MPP3: variants seen among roughly 807,000 people sequenced by gnomAD.
MPP3 encodes MAGUK p55 subfamily member 3.
MPP3 carries 48 observed loss-of-function variants against 80.7 expected under a neutral mutation model. That is an observed-to-expected ratio of 0.59 (90% CI 0.47 to 0.76). MPP3 has a LOEUF of 0.76. Ranked by LOEUF, MPP3 falls within the 30% of genes least tolerant of loss-of-function variation. The pLI, the probability that MPP3 is intolerant of heterozygous loss-of-function variation, is 0.00. For synonymous variants in MPP3, 311 were observed against 297.6 expected, an observed-to-expected ratio of 1.04 and a Z score of -0.46; for missense variants, 620 against 763.0, an observed-to-expected ratio of 0.81 and a Z score of 2.21.
rs2045665284 is a variant in MPP3 at position 43,825,766 on chromosome 17, C to G, written c.599G>C (p.Ser200Thr). ...AVLHKRPDEISQILAQSQGSI... is the reference protein window; with the variant it reads ...AVLHKRPDEITQILAQSQGSI... ...GCTTGTAGCACGGACCAGAATCTGG[C>G]TGATCTCGTCGGGCCGCTTGTGCAG... The change falls in exon 9 of 20, where the codon AGC becomes ACC. Residue 200 changes from serine (S) to threonine (T), a missense_variant. Ser to Thr is a moderately conservative substitution (Grantham distance 58). Coordinates refer to ENST00000398389, the MANE Select transcript of MPP3 (RefSeq NM_001932.6). 6.2e-7 allele frequency: 1 copy of G among 1,610,928 alleles called. No homozygotes were observed. Among genetic ancestry groups the G allele is most frequent in the Non-Finnish European group, 8.5e-7 (1 of 1,177,158 alleles).
chr17:43,827,315 TTTTTTTTTTTTTTC>T (rs1341944798), intron 8 of MPP3, among the ~76,000 whole-genome samples: 1 of 138,474 alleles, frequency 7.2e-6, no homozygotes. Flanking sequence ...TGTGCCTGGC[TTTTTTTTTTTTTTC>T]TTTTTTTTTT....
At chr17:43,825,386 A>C (rs1288910515) in intron 9 of MPP3, 1 of 184,504 alleles carries the variant, frequency 5.4e-6, no homozygotes, top group African/African-American at 2.3e-5. Flanking sequence ...CCCAACGTTA[A>C]AGGAAAGGAA....
chr17:43,815,491 A>G (rs954308224), intron 14 of MPP3, among the ~76,000 whole-genome samples: 1 of 152,092 alleles, frequency 6.6e-6, no homozygotes, highest in African/African-American at 2.4e-5. Flanking sequence ...AGTCCCAGCT[A>G]CTCAGGAGGC....
At chr17:43,817,835 C>T (rs1382827216) in intron 12 of MPP3, 1 of 461,914 alleles carries the variant, frequency 2.2e-6, no homozygotes, top group Non-Finnish European at 3.9e-6. Flanking sequence ...CCCCCAGCAT[C>T]ATCTATGGAC....
intron 1 of MPP3, 66 bp from the exon 2 acceptor site, chr17:43,832,885 C>A: frequency 6.5e-6 from 1 of 152,932 alleles, no homozygotes; most frequent in South Asian, 1.8e-4. Context: ...GGAGGGCGGT[C>A]CCGGAGGACG....
chr17:43,818,141 G>C, intron 11 of MPP3, 31 bp from the exon 12 acceptor site: 1 of 1,467,438 alleles, frequency 6.8e-7, no homozygotes, highest in Non-Finnish European at 9.1e-7. Flanking sequence ...GGGCGGGCCC[G>C]TGAGCTGGGC....
chr17:43,814,587 G>A (rs184146309), intron 14 of MPP3: 58 of 440,548 alleles, frequency 1.3e-4, no homozygotes, highest in African/African-American at 1.1e-3. Flanking sequence ...TGTTTTACTT[G>A]GCATGTGACT....
In MPP3 at chr17:43,820,992, C is replaced by A. The variant is rs1292529723; in HGVS notation, c.751G>T (p.Gly251Cys). ...EDRAIPCQEA[G>C]LPFQRRQVLE... ...ACCTGCCTGCGCTGGAAGGGCAGGC[C>A]CGCCTCCTGGCAAGGGATGGCCCGG... The change falls in exon 11 of 20, where the codon GGC becomes TGC. Residue 251 changes from glycine (G) to cysteine (C), a missense_variant. By Grantham distance (159) the Gly-to-Cys change is radical. Coordinates refer to ENST00000398389, the MANE Select transcript of MPP3 (RefSeq NM_001932.6). 2 of 1,613,796 alleles carry A rather than the reference C, an allele frequency of 1.2e-6. No homozygotes were observed. The highest frequency in any genetic ancestry group is 2.7e-5 in the African/African-American group (2 of 74,944).
rs1193436927 is a variant in MPP3, at chr17:43,801,807, G to T, written c.1652C>A (p.Ala551Asp). ...IDRHYGHLVD[A>D]VLVKEDLQGA... Reference sequence around the variant, plus strand: ...CTGGAGATCCTCCTTCACCAGCACGGCGTCTACCAGGTGCCCGTAATGCCG... The same window carrying T: ...CTGGAGATCCTCCTTCACCAGCACGTCGTCTACCAGGTGCCCGTAATGCCG... Residue 551 changes from alanine to aspartate, a missense_variant, in exon 20 of 20, where the codon GCC becomes GAC. Physicochemically the swap from Ala to Asp is moderately radical, Grantham distance 126 (BLOSUM62 -2). Coordinates refer to ENST00000398389, the MANE Select transcript of MPP3 (RefSeq NM_001932.6). The T allele has an allele frequency of 6.2e-7, 1 of 1,614,036 alleles. No individual in the cohort carries two copies. The highest frequency in any genetic ancestry group is 2.2e-5 in the East Asian group (1 of 44,898).
intron 11 of MPP3, 30 bp from the exon 12 acceptor site, chr17:43,818,140 C>G (rs770540227): frequency 1.0e-5 from 15 of 1,469,368 alleles, no homozygotes; most frequent in Non-Finnish European, 1.4e-5. Flanking sequence ...TGGGCGGGCC[C>G]GTGAGCTGGG....
chr17:43,821,735 A>G (rs939130596), intron 10 of MPP3, among the ~76,000 whole-genome samples: 1 of 152,174 alleles, frequency 6.6e-6, no homozygotes, highest in East Asian at 1.9e-4. Context: ...GCATGGATTA[A>G]CTTTATTTAT....
chr17:43,811,231 G>A lies in MPP3; in HGVS notation c.1256-26C>T, dbSNP rs1177022863. On this transcript the variant is annotated intron_variant, in intron 16 of 19. Coordinates refer to ENST00000398389, the MANE Select transcript of MPP3 (RefSeq NM_001932.6). ...CTTTTAAAGAAAGAAGGAAAGCTGG[G>A]CAAAGAGATGTCACATCACAGCACG... 3 of 1,571,112 alleles carry A rather than the reference G, an allele frequency of 1.9e-6. No homozygotes were observed. The African/African-American group carries it at 4.0e-5, about 21-fold the overall frequency.
Position 43,808,982 on chromosome 17 carries a change from C to G in MPP3, c.1555G>C (p.Ala519Pro), listed in dbSNP as rs189637499. ...EKRKTPPMSP[A>P]CEDTAAPFDE... ...AATGGGGCTGCTGTGTCCTCACAAG[C>G]TGGGGACATAGGTGGCGTTTTTCTT... is the stretch of plus-strand genomic sequence containing the variant. The change falls in exon 19 of 20, where the codon GCT (alanine) becomes CCT (proline). Residue 519 changes from alanine (A) to proline (P), a missense_variant. Transcript: ENST00000398389. The G allele has an allele frequency of 8.4e-5, 135 of 1,608,862 alleles. No individual in the cohort carries two copies. The East Asian group carries it at 2.1e-3, about 25-fold the overall frequency.
chr17:43,801,814 C>A lies in MPP3; in HGVS notation c.1645G>T (p.Val549Leu). 6.2e-7 allele frequency: 1 copy of A among 1,614,126 alleles called. No individual in the cohort carries two copies. The highest frequency in any genetic ancestry group is 8.5e-7 in the Non-Finnish European group (1 of 1,180,022). The change falls in exon 20 of 20, where the codon GTA (valine) becomes TTA (leucine). Residue 549 changes from valine to leucine, a missense_variant. By Grantham distance (32) the Val-to-Leu change is conservative. Transcript: ENST00000398389. ...TCCTCCTTCACCAGCACGGCGTCTACCAGGTGCCCGTAATGCCGGTCTATG... is the reference window on the plus strand; with the variant it reads ...TCCTCCTTCACCAGCACGGCGTCTAACAGGTGCCCGTAATGCCGGTCTATG... The part of the protein sequence containing the change: ...AFIDRHYGHL[V>L]DAVLVKEDLQ...
intron 5 of MPP3, among the ~76,000 whole-genome samples, chr17:43,831,035 C>T (rs1401801010): frequency 2.0e-5 from 3 of 152,202 alleles, no homozygotes; most frequent in Non-Finnish European, 4.4e-5. Flanking sequence ...ACAGTGTCTC[C>T]CAGCCCAGTC....
At chr17:43,832,500 A>AG (rs879709204) in intron 2 of MPP3, among the ~76,000 whole-genome samples, 2 of 151,932 alleles carry the variant, frequency 1.3e-5, no homozygotes, top group Admixed American at 6.6e-5. Flanking sequence ...TGCAGAGAGG[A>AG]GGGGGGGAAA....
In MPP3 at chr17:43,808,498, G is replaced by A. The variant is rs959057279; in HGVS notation, c.1581+458C>T. 2.0e-5 allele frequency among the ~76,000 whole-genome samples: 3 copies of A among 152,210 alleles called. No homozygotes were observed. The East Asian group carries it at 5.8e-4, about 29-fold the overall frequency. On this transcript the variant is annotated intron_variant, in intron 19 of 19. Coordinates refer to ENST00000398389, the MANE Select transcript of MPP3 (RefSeq NM_001932.6). Reference sequence around the variant, plus strand: ...GAAGTTCATTTAGGACACATCAGACGATCTCATCCACTAGTTTTAGAAATC... The same window carrying A: ...GAAGTTCATTTAGGACACATCAGACAATCTCATCCACTAGTTTTAGAAATC...
chr17:43,827,095 A>C (rs2045739865), intron 8 of MPP3, among the ~76,000 whole-genome samples: 1 of 151,948 alleles, frequency 6.6e-6, no homozygotes, highest in South Asian at 2.1e-4. Flanking sequence ...GGCTCACTGC[A>C]ACCTCCACCT....
chr17:43,827,586 C>T (rs1208162972), intron 8 of MPP3, among the ~76,000 whole-genome samples, 165 bp downstream of exon 8: 1 of 152,112 alleles, frequency 6.6e-6, no homozygotes, highest in African/African-American at 2.4e-5. Context: ...TTTCTACTGA[C>T]TTGGGAAGGA....
Sources: allele counts gnomAD v4.1 joint callset (sites outside exome capture counted in the v4.1 genomes callset), GRCh38; gene constraint gnomAD v4.1.1; transcripts MANE v1.5; gene names NCBI Gene and HGNC (gene_info 2026-07-23, HGNC 2026-07-21).